Variants in FSTL5 observed in about 807,000 individuals in gnomAD.
The protein encoded by FSTL5 is follistatin like 5.
Under a neutral mutation model 89.1 loss-of-function variants are expected in FSTL5, and 62 were observed. The observed-to-expected ratio is 0.70, with a 90% CI of 0.57 to 0.86. The LOEUF is 0.86. FSTL5 is among the 40% of genes least tolerant of loss of function. FSTL5 has a pLI of 0.00. For synonymous variants in FSTL5, 383 were observed against 346.2 expected (o/e 1.11, Z -1.18); for missense variants, 1,057 against 1,001.6 (o/e 1.06, Z -0.75).
rs761614639 is a variant in FSTL5, at chr4:161,386,128, A to G, written c.2163T>C (p.Ile721=). 7.4e-6 allele frequency: 12 copies of G among 1,613,904 alleles called. No individual in the cohort carries two copies. The East Asian group carries it at 2.5e-4, about 33-fold the overall frequency. The change falls in exon 16 of 16, where the codon ATT becomes ATC. Residue 721 remains isoleucine (I), a synonymous_variant. Coordinates refer to ENST00000306100, the MANE Select transcript of FSTL5 (RefSeq NM_020116.5). ...DVKGLVRVQY[I]TIRGEIQEAF... is the part of the protein sequence containing the mutation. ...CCTCCTGTATTTCTCCTCTGATGGT[A>G]ATGTACTGAACCCTTACAAGACCTT... is the stretch of plus-strand genomic sequence containing the variant.
chr4:162,000,044 G>A (rs1485491791), intron 3 of FSTL5, among the ~76,000 whole-genome samples: 1 of 152,074 alleles, frequency 6.6e-6, no homozygotes, highest in Non-Finnish European at 1.5e-5. Flanking sequence ...TGATATATTG[G>A]ATTTGAGGTT....
intron 1 of FSTL5, among the ~76,000 whole-genome samples, chr4:162,121,470 T>C (rs573885326): frequency 1.4e-4 from 22 of 152,192 alleles, no homozygotes; most frequent in Admixed American, 4.6e-4. Flanking sequence ...TAATTCTACA[T>C]GTCCATTTTT....
At chr4:161,470,726 C>G (rs1041967360) in intron 13 of FSTL5, among the ~76,000 whole-genome samples, 10 of 151,980 alleles carry the variant, frequency 6.6e-5, no homozygotes, top group African/African-American at 2.4e-4. Flanking sequence ...AATTCATGAA[C>G]ATAGGTTGTT....
rs556951833 is a variant in FSTL5 at position 161,619,176 on chromosome 4, T to C, written c.895-31601A>G. Among the ~76,000 whole-genome samples, 17 of 152,238 alleles carry C rather than the reference T, an allele frequency of 1.1e-4. No homozygotes were observed. In the East Asian group the frequency reaches 2.1e-3, roughly 19 times the overall value. The stretch of plus-strand genomic sequence containing the variant: ...AACTGGATCCCATCCTTACACCTTA[T>C]ACAAAAATTAATTCAAGATGGATTA... On this transcript the variant is annotated intron_variant, in intron 7 of 15. Transcript: ENST00000306100.
chr4:161,945,183 C>T (rs1185837374), intron 3 of FSTL5, among the ~76,000 whole-genome samples: 1 of 152,182 alleles, frequency 6.6e-6, no homozygotes, highest in African/African-American at 2.4e-5. Flanking sequence ...CTCCTGCTCT[C>T]TTCTTCCACT....
intron 4 of FSTL5, among the ~76,000 whole-genome samples, chr4:161,855,959 A>ATGTTTG: frequency 2.0e-5 from 3 of 152,172 alleles, no homozygotes; most frequent in East Asian, 3.9e-4. Context: ...AAGGAATAAA[A>ATGTTTG]CCAAGATATT....
At chr4:162,110,806 T>C (rs2111405985) in intron 2 of FSTL5, among the ~76,000 whole-genome samples, 1 of 151,918 alleles carries the variant, frequency 6.6e-6, no homozygotes, top group East Asian at 1.9e-4. Context: ...TTGTGAAAAT[T>C]TCTAAAAATT....
rs191838194 is a variant in FSTL5 at position 161,650,789 on chromosome 4, T to C, written c.894+5539A>G. On this transcript the variant is annotated intron_variant, in intron 7 of 15. Transcript: ENST00000306100. ...ATATGACATAATTTGACTTATGTGT[T>C]GAATTTAGACTGGACTATATATAAG... is the stretch of plus-strand genomic sequence containing the variant. Among the ~76,000 whole-genome samples, 3 of 152,308 alleles carry C rather than the reference T, an allele frequency of 2.0e-5. No individual in the cohort carries two copies. In the East Asian group the frequency reaches 5.8e-4, roughly 29 times the overall value.
At chr4:161,521,321 A>G (rs1427364385) in intron 10 of FSTL5, among the ~76,000 whole-genome samples, 1 of 152,028 alleles carries the variant, frequency 6.6e-6, no homozygotes, top group African/African-American at 2.4e-5. Context: ...CAAGTCATCC[A>G]CAGTGTTTTT....
At chr4:161,735,651 T>G (rs1269313363) in intron 6 of FSTL5, among the ~76,000 whole-genome samples, 1 of 152,220 alleles carries the variant, frequency 6.6e-6, no homozygotes. Context: ...ATCATGCGTA[T>G]AGTATAAATA....
chr4:161,494,840 T>TAGAGA (rs1407640770), intron 12 of FSTL5, among the ~76,000 whole-genome samples: 1 of 152,036 alleles, frequency 6.6e-6, no homozygotes, highest in Non-Finnish European at 1.5e-5. Context: ...GAGGAGAATC[T>TAGAGA]CTTGAGCCCA....
chr4:161,742,077 A>C (rs1222860389), intron 6 of FSTL5, among the ~76,000 whole-genome samples: 1 of 152,132 alleles, frequency 6.6e-6, no homozygotes, highest in Non-Finnish European at 1.5e-5. Context: ...TTTTTGGATA[A>C]TACTTTGGTA....
Position 161,759,388 on chromosome 4 carries a change from T to C in FSTL5, c.727+23A>G, listed in dbSNP as rs560289480. On this transcript the variant is annotated intron_variant, in intron 6 of 15. Transcript: ENST00000306100. The stretch of plus-strand genomic sequence containing the variant: ...AACAGGAAAAAGAACAAAGGGAAAT[T>C]GGAGAATGAATCTTGTACTCACGGA... The C allele has an allele frequency of 5.7e-6, 9 of 1,567,214 alleles. No individual in the cohort carries two copies. In the South Asian group the frequency reaches 9.8e-5, roughly 17 times the overall value.
At chr4:162,108,543 A>ATTTAACATT (rs1265007014) in intron 2 of FSTL5, among the ~76,000 whole-genome samples, 18 of 151,910 alleles carry the variant, frequency 1.2e-4, no homozygotes, top group Non-Finnish European at 2.2e-4. Flanking sequence ...AATAAGTAAT[A>ATTTAACATT]TTTAACATTA....
At chr4:161,863,030 A>G (rs1731968061) in intron 4 of FSTL5, among the ~76,000 whole-genome samples, 1 of 152,264 alleles carries the variant, frequency 6.6e-6, no homozygotes, top group Non-Finnish European at 1.5e-5. Flanking sequence ...TGGAAAGCCC[A>G]TTTTTTGCAG....
intron 13 of FSTL5, among the ~76,000 whole-genome samples, chr4:161,475,471 A>C (rs1353144093): frequency 6.6e-6 from 1 of 152,124 alleles, no homozygotes; most frequent in East Asian, 1.9e-4. Flanking sequence ...CCTCAGACTC[A>C]ATAATTCAAT....
chr4:161,538,337 A>G (rs754430233), intron 9 of FSTL5, 37 bp from the exon 10 acceptor site: 6 of 1,612,310 alleles, frequency 3.7e-6, no homozygotes, highest in Non-Finnish European at 5.1e-6. Context: ...GTAAACTACA[A>G]TTTCAGTTTT....
At chr4:161,435,452 G>A (rs1732525534) in intron 15 of FSTL5, among the ~76,000 whole-genome samples, 1 of 151,816 alleles carries the variant, frequency 6.6e-6, no homozygotes, top group Non-Finnish European at 1.5e-5. Flanking sequence ...GGAAGAGGGA[G>A]AAGTGGGGAT....
intron 13 of FSTL5, among the ~76,000 whole-genome samples, chr4:161,480,271 C>G (rs1729453352): frequency 6.6e-6 from 1 of 152,056 alleles, no homozygotes; most frequent in Non-Finnish European, 1.5e-5. Flanking sequence ...TTTATTATTC[C>G]CATTTGACAG....
Sources: gnomAD v4.1 joint callset for allele counts (sites outside exome capture counted in the v4.1 genomes callset) on GRCh38, gnomAD v4.1.1 for gene constraint, MANE v1.5 for transcripts, NCBI Gene and HGNC (gene_info 2026-07-23, HGNC 2026-07-21) for gene names.